The following SLC35F1 variants were observed in gnomAD, a reference collection of about 807,000 sequenced individuals.
SLC35F1 encodes solute carrier family 35 member F1.
Under a neutral mutation model 48.7 loss-of-function variants are expected in SLC35F1, and 14 were observed. That is an observed-to-expected ratio of 0.29 (90% CI 0.19 to 0.45). The LOEUF (loss-of-function observed/expected upper bound fraction) is 0.45. Ranked by LOEUF, SLC35F1 falls within the 20% of genes least tolerant of loss-of-function variation. The pLI, the probability that SLC35F1 is intolerant of heterozygous loss-of-function variation, is 1.00. For missense variants in SLC35F1, 404 were observed against 500.0 expected (o/e 0.81, Z 1.83); for synonymous variants, 190 against 202.2 (o/e 0.94, Z 0.51).
intron 1 of SLC35F1, among the ~76,000 whole-genome samples, chr6:118,029,073 A>T (rs2114891113): frequency 6.6e-6 from 1 of 152,186 alleles, no homozygotes; most frequent in Middle Eastern, 3.4e-3. Flanking sequence ...ACAGAGAAAG[A>T]GTGTCCAGAG....
chr6:117,913,862 C>A (rs1562235530), intron 1 of SLC35F1, among the ~76,000 whole-genome samples: 1 of 152,062 alleles, frequency 6.6e-6, no homozygotes, highest in Non-Finnish European at 1.5e-5. Context: ...ACCAACCTGG[C>A]CAACATGGCG....
intron 1 of SLC35F1, among the ~76,000 whole-genome samples, chr6:118,049,551 A>G (rs961139051): frequency 2.0e-5 from 3 of 151,782 alleles, no homozygotes; most frequent in Admixed American, 6.6e-5. Context: ...AAAAGTGGGC[A>G]AAGGATATGA....
rs1775909523 is a variant in SLC35F1, at chr6:118,275,552, T to G, written c.731T>G (p.Leu244Arg). ...NVWEEYIIRT[L>R]SRVEFLGMIG... ...TGGGAAGAATACATCATCCGAACTCTGAGCCGAGTGGAATTCCTGGGAATG... is the reference window on the plus strand; with the variant it reads ...TGGGAAGAATACATCATCCGAACTCGGAGCCGAGTGGAATTCCTGGGAATG... Residue 244 changes from leucine (L) to arginine (R), a missense_variant, in exon 5 of 8, where the codon CTG becomes CGG. Transcript: ENST00000360388. 1 of 1,613,862 alleles carries G rather than the reference T, an allele frequency of 6.2e-7. No homozygotes were observed. Among genetic ancestry groups the G allele is most frequent in the African/African-American group, 1.3e-5 (1 of 74,900 alleles).
intron 1 of SLC35F1, among the ~76,000 whole-genome samples, chr6:118,047,304 T>A (rs1012276163): frequency 5.9e-5 from 9 of 152,140 alleles, no homozygotes; most frequent in African/African-American, 1.9e-4. Context: ...CTTTCCAAGT[T>A]CAAAGGGAAT....
intron 6 of SLC35F1, among the ~76,000 whole-genome samples, chr6:118,281,204 C>CTATATATA (rs1554244292): frequency 0.026 from 3,385 of 130,308 alleles, 57 homozygotes; most frequent in African/African-American, 0.037. Flanking sequence ...CTCTCTCTCT[C>CTATATATA]TATATATATA....
intron 1 of SLC35F1, among the ~76,000 whole-genome samples, chr6:118,136,392 A>T (rs1582686472): frequency 1.3e-5 from 2 of 152,176 alleles, no homozygotes; most frequent in Admixed American, 6.5e-5. Flanking sequence ...AAATACCTTC[A>T]GGTCTTTTCA....
chr6:118,200,386 A>G (rs1212896450), intron 2 of SLC35F1, among the ~76,000 whole-genome samples: 1 of 152,184 alleles, frequency 6.6e-6, no homozygotes, highest in Non-Finnish European at 1.5e-5. Flanking sequence ...CTAAGTGGAA[A>G]CACCAGGAGT....
At chr6:118,166,310 C>A (rs753678685) in intron 2 of SLC35F1, among the ~76,000 whole-genome samples, 2 of 152,102 alleles carry the variant, frequency 1.3e-5, no homozygotes, top group Non-Finnish European at 2.9e-5. Context: ...GGAGCTGTTG[C>A]TCAGCCATTG....
At chr6:118,067,227 G>A (rs1284869735) in intron 1 of SLC35F1, among the ~76,000 whole-genome samples, 1 of 152,190 alleles carries the variant, frequency 6.6e-6, no homozygotes, top group African/African-American at 2.4e-5. Flanking sequence ...AAGAGGAACT[G>A]CAGATTTGTT....
At chr6:118,039,276 G>T (rs1772176911) in intron 1 of SLC35F1, among the ~76,000 whole-genome samples, 1 of 151,496 alleles carries the variant, frequency 6.6e-6, no homozygotes, top group Non-Finnish European at 1.5e-5. Context: ...TTCATGTCAA[G>T]ATTTTTTTTT....
At chr6:118,078,935 G>A (rs540252263) in intron 1 of SLC35F1, among the ~76,000 whole-genome samples, 11 of 152,220 alleles carry the variant, frequency 7.2e-5, no homozygotes, top group South Asian at 2.1e-4. Context: ...CTTGTGAGAC[G>A]CCTGACTGCT....
At chr6:118,161,749 T>C (rs1407049846) in intron 2 of SLC35F1, among the ~76,000 whole-genome samples, 1 of 152,214 alleles carries the variant, frequency 6.6e-6, no homozygotes, top group Non-Finnish European at 1.5e-5. Flanking sequence ...TTATGCTTCA[T>C]GGGAATTATG....
chr6:118,159,127 A>T (rs1490712876), intron 2 of SLC35F1, among the ~76,000 whole-genome samples: 1 of 144,372 alleles, frequency 6.9e-6, no homozygotes, highest in African/African-American at 2.5e-5. Context: ...AGACTGAGGC[A>T]GGAGATTGGC....
chr6:117,920,228 G>A (rs1049642562), intron 1 of SLC35F1, among the ~76,000 whole-genome samples: 16 of 152,212 alleles, frequency 1.1e-4, no homozygotes, highest in African/African-American at 3.9e-4. Flanking sequence ...GCGTGCGCGA[G>A]CCTCGGGGCT....
chr6:118,068,832 G>A (rs1772656510), intron 1 of SLC35F1, among the ~76,000 whole-genome samples: 1 of 152,072 alleles, frequency 6.6e-6, no homozygotes, highest in Non-Finnish European at 1.5e-5. Context: ...CTATACCATA[G>A]ACTTTACAAA....
chr6:118,125,822 T>A (rs945635771), intron 1 of SLC35F1, among the ~76,000 whole-genome samples: 8 of 152,212 alleles, frequency 5.3e-5, no homozygotes, highest in African/African-American at 1.9e-4. Context: ...ACCTCATTGA[T>A]ACCATTCCAT....
At chr6:118,098,751 C>T (rs1402276222) in intron 1 of SLC35F1, among the ~76,000 whole-genome samples, 5 of 152,064 alleles carry the variant, frequency 3.3e-5, no homozygotes, top group Non-Finnish European at 5.9e-5. Context: ...TAGATGTGGA[C>T]TTTATGTATA....
At chr6:118,237,821 G>T (rs891401592) in intron 3 of SLC35F1, among the ~76,000 whole-genome samples, 2 of 152,162 alleles carry the variant, frequency 1.3e-5, no homozygotes, top group African/African-American at 4.8e-5. Flanking sequence ...GTGTGCAAAT[G>T]AAATGAGTTT....
Position 118,271,892 on chromosome 6 carries a change from T to A in SLC35F1, c.638-3567T>A, listed in dbSNP as rs1209106365. Among the ~76,000 whole-genome samples the A allele has an allele frequency of 2.0e-5, 3 of 152,166 alleles. No homozygotes were observed. The South Asian group carries it at 6.2e-4, about 32-fold the overall frequency. ...AAGTGTCAGATACAATGCTAAGCATTTTACATGTCATATTTTATTTTATTC... is the reference window on the plus strand; with the variant it reads ...AAGTGTCAGATACAATGCTAAGCATATTACATGTCATATTTTATTTTATTC... On this transcript the variant is annotated intron_variant, in intron 4 of 7. Transcript: ENST00000360388.
Sources: gnomAD v4.1 joint callset for allele counts (sites outside exome capture counted in the v4.1 genomes callset) on GRCh38, gnomAD v4.1.1 for gene constraint, MANE v1.5 for transcripts, NCBI Gene and HGNC (gene_info 2026-07-23, HGNC 2026-07-21) for gene names.